INTS13: variants seen among roughly 807,000 people sequenced by gnomAD.
INTS13 encodes integrator complex subunit 13.
Under a neutral mutation model 90.2 loss-of-function variants are expected in INTS13, and 35 were observed. The observed-to-expected ratio is 0.39, with a 90% CI of 0.30 to 0.51. The LOEUF (loss-of-function observed/expected upper bound fraction) is 0.51. Ranked by LOEUF, INTS13 falls within the 20% of genes least tolerant of loss-of-function variation. The pLI, the probability that INTS13 is intolerant of heterozygous loss-of-function variation, is 0.80. For synonymous variants in INTS13, 309 were observed against 277.1 expected, an observed-to-expected ratio of 1.11 and a Z score of -1.14; for missense variants, 601 against 851.2, an observed-to-expected ratio of 0.71 and a Z score of 3.66.
intron 14 of INTS13, among the ~76,000 whole-genome samples, chr12:26,912,648 A>G (rs772590157): frequency 1.3e-5 from 2 of 152,186 alleles, no homozygotes; most frequent in Non-Finnish European, 2.9e-5. Context: ...TTTTCAGAAT[A>G]GACTGTATGC....
rs541186162 is a variant in INTS13 at position 26,912,333 on chromosome 12, A to G, written c.1806-1016T>C. Among the ~76,000 whole-genome samples, 55 of 152,276 alleles carry G rather than the reference A, an allele frequency of 3.6e-4. 2 individuals carry two copies. In the South Asian group the frequency reaches 5.0e-3, roughly 14 times the overall value. ...ATACCTATAATCCCAGCTACCTGAG[A>G]GGCTAAGGCATGAGAATCACTTGAA... On this transcript the variant is annotated intron_variant, in intron 14 of 16. Coordinates refer to ENST00000261191, the MANE Select transcript of INTS13 (RefSeq NM_018164.3).
At chr12:26,914,260 AT>A in intron 12 of INTS13, 132 bp from the exon 13 acceptor site, 1 of 1,185,298 alleles carries the variant, frequency 8.4e-7, no homozygotes, top group Non-Finnish European at 1.1e-6. Flanking sequence ...TATCACTTCA[AT>A]TTTTAATTAT....
At chr12:26,932,704 T>C (rs1178783510) in intron 3 of INTS13, among the ~76,000 whole-genome samples, 2 of 152,198 alleles carry the variant, frequency 1.3e-5, no homozygotes, top group African/African-American at 2.4e-5. Context: ...GGAAATGGTA[T>C]AAACTTACCC....
At chr12:26,919,687 T>C (rs936615009) in intron 8 of INTS13, among the ~76,000 whole-genome samples, 1 of 152,184 alleles carries the variant, frequency 6.6e-6, no homozygotes, top group African/African-American at 2.4e-5. Flanking sequence ...TTTTCTGCCT[T>C]ACATAAATGA....
At chr12:26,933,169 G>A (rs1032538361) in intron 3 of INTS13, among the ~76,000 whole-genome samples, 4 of 152,172 alleles carry the variant, frequency 2.6e-5, no homozygotes, top group African/African-American at 9.6e-5. Flanking sequence ...GGTTAAAAGC[G>A]TCAAAAAAGC....
At chr12:26,935,280 T>C (rs1475921868) in intron 2 of INTS13, among the ~76,000 whole-genome samples, 2 of 152,264 alleles carry the variant, frequency 1.3e-5, no homozygotes, top group Non-Finnish European at 2.9e-5. Flanking sequence ...TCAGGTAAGA[T>C]AATGACAAAG....
chr12:26,917,392 A>G lies in INTS13; in HGVS notation c.1029T>C (p.Asn343=). The change falls in exon 10 of 17, where the codon AAT becomes AAC. Residue 343 remains asparagine (N), a synonymous_variant. Transcript: ENST00000261191. ...TAGTAAGGCAGGAGGAAGGTCTACT[A>G]TTTACATCTACAGGTGAAATCCGAT... ...GAYRISPVDV[N]SRPSSCLTNF... 6.4e-7 allele frequency: 1 copy of G among 1,571,350 alleles called. No homozygotes were observed. The highest frequency in any genetic ancestry group is 1.2e-5 in the South Asian group (1 of 84,716).
chr12:26,917,487 T>G lies in INTS13; in HGVS notation c.980-46A>C, dbSNP rs759933054. ...GATTTGAAAGAATATAAAGAAATAT[T>G]CCCACAATTAAAAGAAAGAAAAAAA... On this transcript the variant is annotated intron_variant, in intron 9 of 16. Coordinates refer to ENST00000261191, the MANE Select transcript of INTS13 (RefSeq NM_018164.3). 12 of 1,293,274 alleles carry G rather than the reference T, an allele frequency of 9.3e-6. No homozygotes were observed. In the African/African-American group the frequency reaches 1.5e-4, roughly 16 times the overall value. The allele number at this position is 1,293,274 out of a possible 1,614,324, so 80.1% of individuals were successfully genotyped here. A position where few individuals can be genotyped will look rare whatever the true frequency, so the allele number is the denominator to read the frequency against.
intron 15 of INTS13, among the ~76,000 whole-genome samples, chr12:26,907,704 C>T (rs1453188421): frequency 2.0e-5 from 3 of 152,110 alleles, no homozygotes; most frequent in African/African-American, 7.2e-5. Flanking sequence ...GAACTTGTAT[C>T]CAGATAAATA....
chr12:26,930,779 A>G (rs980419762), intron 3 of INTS13, among the ~76,000 whole-genome samples: 1 of 152,128 alleles, frequency 6.6e-6, no homozygotes, highest in African/African-American at 2.4e-5. Context: ...ACAGATATGT[A>G]CTTATTTTTA....
intron 15 of INTS13, among the ~76,000 whole-genome samples, chr12:26,910,720 G>C (rs1475272621): frequency 6.6e-6 from 1 of 152,062 alleles, no homozygotes; most frequent in East Asian, 1.9e-4. Context: ...CATAAGACTG[G>C]ACTAATACAG....
chr12:26,919,092 G>A (rs749565963), intron 8 of INTS13: 10 of 356,364 alleles, frequency 2.8e-5, no homozygotes, highest in African/African-American at 1.5e-4. Flanking sequence ...CTTGTAGCCC[G>A]AGGGGTCGAT....
upstream of INTS13, chr12:26,938,007 A>ACACACACACG (rs1207741150): frequency 6.6e-6 from 1 of 152,444 alleles, no homozygotes; most frequent in Admixed American, 6.6e-5. Context: ...GCACACACAC[A>ACACACACACG]CACGCACTCG....
intron 8 of INTS13, among the ~76,000 whole-genome samples, chr12:26,920,308 T>C (rs1488298644): frequency 6.6e-6 from 1 of 152,204 alleles, no homozygotes; most frequent in Non-Finnish European, 1.5e-5. Context: ...AAATAACTTT[T>C]GACACATAGT....
intron 14 of INTS13, among the ~76,000 whole-genome samples, chr12:26,911,926 A>C (rs1951787933): frequency 6.6e-6 from 1 of 152,236 alleles, no homozygotes; most frequent in Non-Finnish European, 1.5e-5. Context: ...ATGAGCTTCT[A>C]AAGTCAAAGA....
At chr12:26,920,515 C>CA (rs1483109402) in intron 8 of INTS13, among the ~76,000 whole-genome samples, 3 of 151,922 alleles carry the variant, frequency 2.0e-5, no homozygotes, top group Non-Finnish European at 1.5e-5. Flanking sequence ...TCCCCTGCCT[C>CA]AGCATCCCGA....
At position 26,934,559 on chromosome 12, in the gene INTS13, C is replaced by T. The variant is rs140981774; in HGVS notation, c.297G>A (p.Gln99=). The part of the protein sequence containing the change: ...NSWTQEDQNL[Q]ELMAALAAVG... ...ACAGCTCAAAATCTAACCATACCTC[C>T]TGTAAATTTTGGTCTTCTTGAGTCC... The change falls in exon 3 of 17, where the codon CAG becomes CAA. Residue 99 remains glutamine, a synonymous_variant. Transcript: ENST00000261191. 1.3e-5 allele frequency: 21 copies of T among 1,606,990 alleles called. No individual in the cohort carries two copies. The African/African-American group carries it at 2.4e-4, about 18-fold the overall frequency.
chr12:26,914,114 G>A lies in INTS13; in HGVS notation c.1434C>T (p.Ala478=). ...IFNMQAVVPL[A]SVIVKESLTE... The stretch of plus-strand genomic sequence containing the variant: ...TCAGAGATTCTTTCACAATAACACT[G>A]GCTAATGGAACTACCTGTTAGATTT... The change falls in exon 13 of 17, where the codon GCC becomes GCT. Residue 478 remains alanine, a synonymous_variant. Coordinates refer to ENST00000261191, the MANE Select transcript of INTS13 (RefSeq NM_018164.3). 1 of 1,586,882 alleles carries A rather than the reference G, an allele frequency of 6.3e-7. No homozygotes were observed. The highest frequency in any genetic ancestry group is 8.5e-7 in the Non-Finnish European group (1 of 1,172,348).
At chr12:26,915,955 A>G in intron 11 of INTS13, 47 bp downstream of exon 11, 1 of 1,415,852 alleles carries the variant, frequency 7.1e-7, no homozygotes, top group Non-Finnish European at 9.6e-7. Context: ...TACTTGCTGA[A>G]TGATGACAGA....
Sources: allele counts gnomAD v4.1 joint callset (sites outside exome capture counted in the v4.1 genomes callset), GRCh38; gene constraint gnomAD v4.1.1; transcripts MANE v1.5; gene names NCBI Gene and HGNC (gene_info 2026-07-23, HGNC 2026-07-21).